The following PCDH9 variants were observed in gnomAD, a reference collection of about 807,000 sequenced individuals.
The protein encoded by PCDH9 is protocadherin 9.
Under a neutral mutation model 70.6 loss-of-function variants are expected in PCDH9, and 24 were observed. That is an observed-to-expected ratio of 0.34 (90% CI 0.25 to 0.48). The LOEUF (loss-of-function observed/expected upper bound fraction) is 0.48, where lower values mean the gene tolerates loss of function less well. Ranked by LOEUF, PCDH9 falls within the 20% of genes least tolerant of loss-of-function variation. The pLI, the probability that PCDH9 is intolerant of heterozygous loss-of-function variation, is 0.99. For synonymous variants in PCDH9, 562 were observed against 558.5 expected, an observed-to-expected ratio of 1.01 and a Z score of -0.09; for missense variants, 1,281 against 1,503.6, an observed-to-expected ratio of 0.85 and a Z score of 2.45.
At chr13:66,923,828 T>C (rs2082675654) in intron 2 of PCDH9, among the ~76,000 whole-genome samples, 1 of 151,770 alleles carries the variant, frequency 6.6e-6, no homozygotes, top group Non-Finnish European at 1.5e-5. Flanking sequence ...CAAAAATTTA[T>C]TAATGCATCT....
intron 4 of PCDH9, among the ~76,000 whole-genome samples, chr13:66,497,914 G>T (rs1959142306): frequency 6.7e-6 from 1 of 149,312 alleles, no homozygotes; most frequent in South Asian, 2.1e-4. Flanking sequence ...TGTCTCCCAG[G>T]TTCAAGTGAC....
chr13:67,071,907 A>AAAAAAAAAAAAG (rs1566404843), intron 2 of PCDH9, among the ~76,000 whole-genome samples: 2 of 151,006 alleles, frequency 1.3e-5, no homozygotes, highest in African/African-American at 4.9e-5. Flanking sequence ...AAAAAAAAAA[A>AAAAAAAAAAAAG]AGAGAGAATC....
intron 3 of PCDH9, among the ~76,000 whole-genome samples, chr13:66,714,845 A>C (rs1421372269): frequency 6.6e-6 from 1 of 152,168 alleles, no homozygotes; most frequent in Non-Finnish European, 1.5e-5. Context: ...GCACATATTC[A>C]ACAATTGTAA....
At chr13:67,157,537 G>A (rs973586377) in intron 2 of PCDH9, among the ~76,000 whole-genome samples, 17 of 152,158 alleles carry the variant, frequency 1.1e-4, no homozygotes, top group African/African-American at 3.9e-4. Flanking sequence ...TTATAGCACT[G>A]GCCTGTGCAG....
At chr13:66,430,545 G>A (rs1593967161) in intron 4 of PCDH9, among the ~76,000 whole-genome samples, 1 of 152,008 alleles carries the variant, frequency 6.6e-6, no homozygotes, top group African/African-American at 2.4e-5. Flanking sequence ...CAGCAAACAT[G>A]TACCAAGTAG....
chr13:66,604,264 T>C (rs1430956948), intron 4 of PCDH9, among the ~76,000 whole-genome samples: 2 of 152,010 alleles, frequency 1.3e-5, no homozygotes, highest in Non-Finnish European at 2.9e-5. Flanking sequence ...TTGAAATACA[T>C]ATTTTTGTCA....
At chr13:67,047,155 C>A (rs1462767186) in intron 2 of PCDH9, among the ~76,000 whole-genome samples, 1 of 149,900 alleles carries the variant, frequency 6.7e-6, no homozygotes, top group Non-Finnish European at 1.5e-5. Flanking sequence ...GTGCCAAAAG[C>A]AGCTAAAATT....
At chr13:66,360,781 G>A (rs1265510119) in intron 4 of PCDH9, among the ~76,000 whole-genome samples, 7 of 152,042 alleles carry the variant, frequency 4.6e-5, no homozygotes, top group African/African-American at 1.7e-4. Context: ...TAAATGTTAA[G>A]TGAAGATTTT....
At chr13:66,859,894 A>G (rs942529223) in intron 3 of PCDH9, among the ~76,000 whole-genome samples, 5 of 152,158 alleles carry the variant, frequency 3.3e-5, no homozygotes, top group Non-Finnish European at 5.9e-5. Context: ...CTAAGAAAGC[A>G]CAAGCCATTT....
chr13:67,104,733 T>C (rs775685027), intron 2 of PCDH9, among the ~76,000 whole-genome samples: 2 of 152,106 alleles, frequency 1.3e-5, no homozygotes, highest in Non-Finnish European at 2.9e-5. Context: ...GTATTTTTAG[T>C]AGAGACGGGG....
At chr13:66,895,417 C>T (rs928132197) in intron 3 of PCDH9, among the ~76,000 whole-genome samples, 28 of 152,294 alleles carry the variant, frequency 1.8e-4, no homozygotes, top group African/African-American at 6.7e-4. Context: ...ACACCCTTCT[C>T]ACATATATGT....
intron 2 of PCDH9, among the ~76,000 whole-genome samples, chr13:67,035,633 A>G (rs2084994626): frequency 6.7e-6 from 1 of 150,160 alleles, no homozygotes; most frequent in Admixed American, 6.7e-5. Flanking sequence ...TGACTTGTTA[A>G]AAAAAATGAA....
rs577814368 is a variant in PCDH9, at chr13:66,714,389, G to A, written c.3139-82978C>T. 5.9e-4 allele frequency among the ~76,000 whole-genome samples: 89 copies of A among 151,716 alleles called. 1 individual carries two copies. Among genetic ancestry groups the A allele is most frequent in the Non-Finnish European group, 7.8e-4 (53 of 67,898 alleles). On this transcript the variant is annotated intron_variant, in intron 3 of 4. Coordinates refer to ENST00000377865, the MANE Select transcript of PCDH9 (RefSeq NM_203487.3). ...CTGAGGCAGGAGAATGGAGTGAACCGGGAGGTGGAGCTTGCAGTGAGCCAA... is the reference window on the plus strand; with the variant it reads ...CTGAGGCAGGAGAATGGAGTGAACCAGGAGGTGGAGCTTGCAGTGAGCCAA...
intron 2 of PCDH9, among the ~76,000 whole-genome samples, chr13:67,142,965 C>A (rs1254715048): frequency 6.6e-6 from 1 of 151,654 alleles, no homozygotes; most frequent in Non-Finnish European, 1.5e-5. Flanking sequence ...GCCGAGATTG[C>A]ACCACTGCAC....
intron 2 of PCDH9, among the ~76,000 whole-genome samples, chr13:66,908,137 T>C (rs1378328327): frequency 6.6e-6 from 1 of 152,184 alleles, no homozygotes; most frequent in Non-Finnish European, 1.5e-5. Context: ...GAGATCCACA[T>C]GTATTAGGTT....
intron 2 of PCDH9, among the ~76,000 whole-genome samples, chr13:67,184,700 C>G (rs1268651432): frequency 6.6e-6 from 1 of 152,150 alleles, no homozygotes; most frequent in African/African-American, 2.4e-5. Flanking sequence ...CACTGCATTC[C>G]AGCCTGGGTG....
At chr13:66,651,299 A>G (rs1487147412) in intron 3 of PCDH9, among the ~76,000 whole-genome samples, 3 of 151,986 alleles carry the variant, frequency 2.0e-5, no homozygotes, top group African/African-American at 4.8e-5. Flanking sequence ...AGACCCAAAT[A>G]AATAAATTAG....
At chr13:66,844,544 C>T (rs2139436524) in intron 3 of PCDH9, among the ~76,000 whole-genome samples, 1 of 149,692 alleles carries the variant, frequency 6.7e-6, no homozygotes, top group Middle Eastern at 3.5e-3. Flanking sequence ...GAGATCGTGC[C>T]ACTGCACTCT....
At chr13:67,140,902 C>A (rs957441519) in intron 2 of PCDH9, among the ~76,000 whole-genome samples, 1 of 152,132 alleles carries the variant, frequency 6.6e-6, no homozygotes, top group African/African-American at 2.4e-5. Context: ...TGAATATATT[C>A]TTTCCTCGGT....
Sources: allele counts gnomAD v4.1 joint callset (sites outside exome capture counted in the v4.1 genomes callset), GRCh38; gene constraint gnomAD v4.1.1; transcripts MANE v1.5; gene names NCBI Gene and HGNC (gene_info 2026-07-23, HGNC 2026-07-21).